The following RPTOR variants were observed in gnomAD, a reference collection of about 807,000 sequenced individuals.
The protein encoded by RPTOR is regulatory associated protein of MTOR complex 1.
In RPTOR, 21 loss-of-function variants were observed where a neutral mutation model predicts 169.9. The ratio of observed to expected loss-of-function variants is 0.12; its 90% CI spans 0.09 to 0.18. RPTOR has a LOEUF of 0.18. RPTOR is among the 10% of genes least tolerant of loss of function. The probability of loss-of-function intolerance (pLI) is 1.00; values close to 1 mark genes in which losing one functional copy is unlikely to be tolerated. For synonymous variants in RPTOR, 732 were observed against 753.2 expected, an observed-to-expected ratio of 0.97 and a Z score of 0.46; for missense variants, 1,133 against 1,855.9, an observed-to-expected ratio of 0.61 and a Z score of 7.16.
chr17:80,880,207 G>A (rs544506782), intron 13 of RPTOR, among the ~76,000 whole-genome samples: 17 of 152,182 alleles, frequency 1.1e-4, no homozygotes, highest in African/African-American at 1.9e-4. Context: ...TCCTCTGGGC[G>A]TTCGTGGGAT....
intron 31 of RPTOR, 89 bp from the exon 32 acceptor site, chr17:80,962,372 G>A (rs1421497040): frequency 1.8e-5 from 18 of 1,020,366 alleles, no homozygotes; most frequent in Non-Finnish European, 2.3e-5. Flanking sequence ...ACAGGTGTGC[G>A]ACCCCACACA....
intron 1 of RPTOR, among the ~76,000 whole-genome samples, chr17:80,586,627 A>C (rs549824248): frequency 1.3e-5 from 2 of 152,150 alleles, no homozygotes; most frequent in East Asian, 3.9e-4. Context: ...CCCCTCTGCC[A>C]TGGGGGCCTG....
chr17:80,578,252 C>T (rs2064983284), intron 1 of RPTOR, among the ~76,000 whole-genome samples: 1 of 152,094 alleles, frequency 6.6e-6, no homozygotes, highest in Non-Finnish European at 1.5e-5. Flanking sequence ...TGTCAACAGT[C>T]ATTGCGATGT....
intron 1 of RPTOR, among the ~76,000 whole-genome samples, chr17:80,583,249 C>T (rs2065032588): frequency 7.9e-6 from 1 of 126,312 alleles, no homozygotes; most frequent in African/African-American, 3.2e-5. Context: ...AGTGCAGTGG[C>T]GCGATCACCG....
intron 1 of RPTOR, among the ~76,000 whole-genome samples, chr17:80,624,428 A>G (rs997568339): frequency 9.2e-5 from 14 of 152,270 alleles, no homozygotes; most frequent in African/African-American, 3.4e-4. Flanking sequence ...TTAATTTGAA[A>G]AAGATAAGTG....
rs140072563 is a variant in RPTOR at position 80,644,638 on chromosome 17, A to G, written c.348+828A>G. The stretch of plus-strand genomic sequence containing the variant: ...CTCTCCCCTTTTGGATGAAAGCCTC[A>G]TGAAAACACATGATTTATGGAACCT... On this transcript the variant is annotated intron_variant, in intron 3 of 33. Transcript: ENST00000306801. 5.9e-5 allele frequency among the ~76,000 whole-genome samples: 9 copies of G among 152,306 alleles called. No individual in the cohort carries two copies. In the East Asian group the frequency reaches 1.7e-3, roughly 29 times the overall value.
At chr17:80,802,733 C>A in intron 7 of RPTOR, 1 of 152,482 alleles carries the variant, frequency 6.6e-6, no homozygotes. Context: ...AGGTGCAGAG[C>A]GAGGAAGAGG....
intron 14 of RPTOR, among the ~76,000 whole-genome samples, chr17:80,881,237 G>C (rs1026118086): frequency 6.6e-6 from 1 of 152,172 alleles, no homozygotes; most frequent in African/African-American, 2.4e-5. Flanking sequence ...CTAAGCTAAA[G>C]GATTTTTTAA....
intron 10 of RPTOR, among the ~76,000 whole-genome samples, chr17:80,843,079 G>A (rs920121730): frequency 1.3e-5 from 2 of 152,090 alleles, no homozygotes; most frequent in African/African-American, 4.8e-5. Context: ...AGTTACTTTT[G>A]GTCCTTTGCA....
chr17:80,945,026 G>T (rs2069081833), intron 25 of RPTOR, among the ~76,000 whole-genome samples: 1 of 151,912 alleles, frequency 6.6e-6, no homozygotes, highest in South Asian at 2.1e-4. Context: ...TACTGGCTGG[G>T]CGTATGCCCA....
In RPTOR at chr17:80,725,528, A is replaced by C. The variant is rs114053495; in HGVS notation, c.508-5032A>C. On this transcript the variant is annotated intron_variant, in intron 4 of 33. Transcript: ENST00000306801. ...CTTCCGTGTATACAGGGGGCTTTTC[A>C]ATTCTGGGCTGGTGTGGGTTGGTGC... is the stretch of plus-strand genomic sequence containing the variant. Among the ~76,000 whole-genome samples the C allele has an allele frequency of 5.3e-3, 813 of 152,292 alleles. 7 individuals carry two copies. Among genetic ancestry groups the C allele is most frequent in the African/African-American group, 0.019 (775 of 41,572 alleles).
intron 33 of RPTOR, 60 bp from the exon 34 acceptor site, chr17:80,964,202 C>CCCCCCCCCCCCGGTCG: frequency 8.2e-7 from 1 of 1,224,848 alleles, no homozygotes; most frequent in Non-Finnish European, 1.2e-6. Context: ...TGCGCCCCCC[C>CCCCCCCCCCCCGGTCG]GCCCCCCGCA....
At chr17:80,898,650 G>T (rs1210265881) in intron 20 of RPTOR, among the ~76,000 whole-genome samples, 3 of 22,000 alleles carry the variant, frequency 1.4e-4, no homozygotes, top group Admixed American at 6.1e-4. Context: ...CCCAACCCCT[G>T]CCCCCGCTCC....
intron 1 of RPTOR, among the ~76,000 whole-genome samples, chr17:80,583,249 C>A (rs2065032588): frequency 3.2e-5 from 4 of 126,312 alleles, no homozygotes; most frequent in South Asian, 2.5e-4. Flanking sequence ...AGTGCAGTGG[C>A]GCGATCACCG....
intron 13 of RPTOR, among the ~76,000 whole-genome samples, chr17:80,873,822 G>A (rs1017169277): frequency 2.0e-5 from 3 of 152,242 alleles, no homozygotes; most frequent in Admixed American, 1.3e-4. Flanking sequence ...ACATGTGGGA[G>A]GGCATTGCTT....
chr17:80,676,329 G>A (rs2065861183), intron 3 of RPTOR, among the ~76,000 whole-genome samples: 1 of 142,340 alleles, frequency 7.0e-6, no homozygotes, highest in African/African-American at 2.6e-5. Context: ...CTGTGTAGAT[G>A]GAGTCACCCC....
At chr17:80,757,063 G>A (rs1045982371) in intron 6 of RPTOR, among the ~76,000 whole-genome samples, 5 of 152,290 alleles carry the variant, frequency 3.3e-5, no homozygotes, top group Admixed American at 2.6e-4. Flanking sequence ...CTACAGTGGG[G>A]GCTCACAGGA....
In RPTOR at chr17:80,695,926, G is replaced by A. The variant is rs150603992; in HGVS notation, c.349-11915G>A. Among the ~76,000 whole-genome samples the A allele has an allele frequency of 2.0e-4, 31 of 152,244 alleles. No individual in the cohort carries two copies. Among genetic ancestry groups the A allele is most frequent in the Non-Finnish European group, 3.8e-4 (26 of 68,024 alleles). On this transcript the variant is annotated intron_variant, in intron 3 of 33. Coordinates refer to ENST00000306801, the MANE Select transcript of RPTOR (RefSeq NM_020761.3). This position sits in a 1 kb window ranked among gnomAD's most constrained non-coding sequence, Gnocchi z 4.9. ...GCGTGAGCTGGCTTTGATCTACCCC[G>A]GACCCATCTTTCTGTGAAGAGTTTG...
chr17:80,891,327 C>A (rs7221927), intron 17 of RPTOR, among the ~76,000 whole-genome samples: 2 of 152,286 alleles, frequency 1.3e-5, no homozygotes, highest in African/African-American at 2.4e-5. Flanking sequence ...CGCCAGCCAT[C>A]GGGTGTGATC....
Sources: allele counts gnomAD v4.1 joint callset (sites outside exome capture counted in the v4.1 genomes callset), GRCh38; gene constraint gnomAD v4.1.1; non-coding constraint Gnocchi (gnomAD v3.1); transcripts MANE v1.5; gene names NCBI Gene and HGNC (gene_info 2026-07-23, HGNC 2026-07-21).